The following HMCN2 variants were observed in gnomAD, a reference collection of about 807,000 sequenced individuals.
The protein encoded by HMCN2 is hemicentin-2.
In HMCN2, 325 loss-of-function variants were observed where a neutral mutation model predicts 377.5. The ratio of observed to expected loss-of-function variants is 0.86; its 90% CI spans 0.79 to 0.94. The LOEUF (loss-of-function observed/expected upper bound fraction) is 0.94. Among genes scored for constraint, HMCN2 ranks in the 40% least tolerant of loss-of-function variants. The pLI, the probability that HMCN2 is intolerant of heterozygous loss-of-function variation, is 0.00. For synonymous variants in HMCN2, 2,007 were observed against 2,046.8 expected, an observed-to-expected ratio of 0.98 and a Z score of 0.53; for missense variants, 4,543 against 4,725.3, an observed-to-expected ratio of 0.96 and a Z score of 1.13.
chr9:130,386,347 G>T (rs1268238521), intron 60 of HMCN2, 96 bp from the exon 61 acceptor site: 28 of 645,566 alleles, frequency 4.3e-5, no homozygotes, highest in Non-Finnish European at 5.2e-5. Context: ...GGAGGCCCCT[G>T]CTCTGGAAGT....
chr9:130,282,350 C>T (rs561705718), intron 1 of HMCN2, among the ~76,000 whole-genome samples: 4 of 152,306 alleles, frequency 2.6e-5, no homozygotes, highest in East Asian at 3.9e-4. Context: ...TTACATGTCT[C>T]GTTCTACAGA....
At chr9:130,429,441 T>C in intron 93 of HMCN2, 116 bp from the exon 94 acceptor site, 1 of 1,355,914 alleles carries the variant, frequency 7.4e-7, no homozygotes. Flanking sequence ...CTGGTGGCAC[T>C]GAAACTGGAG....
At chr9:130,309,782 G>C (rs1390014438) in intron 14 of HMCN2, 130 bp from the exon 15 acceptor site, 1 of 333,108 alleles carries the variant, frequency 3.0e-6, no homozygotes, top group East Asian at 9.1e-5. Flanking sequence ...GCTTAAACCT[G>C]CTTCCACCCA....
intron 1 of HMCN2, among the ~76,000 whole-genome samples, 172 bp from the exon 2 acceptor site, chr9:130,284,431 G>T (rs1219387973): frequency 3.9e-5 from 6 of 152,256 alleles, no homozygotes; most frequent in Admixed American, 6.5e-5. Flanking sequence ...GTGTGACCTT[G>T]TTTTCTGGTC....
At chr9:130,390,806 C>A (rs1004124783) in intron 62 of HMCN2, among the ~76,000 whole-genome samples, 171 bp from the exon 63 acceptor site, 1 of 152,004 alleles carries the variant, frequency 6.6e-6, no homozygotes, top group Admixed American at 6.5e-5. Flanking sequence ...GGAGGGGGTC[C>A]CTTGGGAAGA....
chr9:130,396,463 A>G (rs1321109592), intron 73 of HMCN2, 150 bp downstream of exon 73: 6 of 562,872 alleles, frequency 1.1e-5, no homozygotes, highest in East Asian at 7.1e-5. Context: ...CCCACCACTC[A>G]TGAAGGTCTC....
At chr9:130,284,233 C>A (rs1327275119) in intron 1 of HMCN2, among the ~76,000 whole-genome samples, 1 of 152,150 alleles carries the variant, frequency 6.6e-6, no homozygotes, top group Non-Finnish European at 1.5e-5. Context: ...GTTTCTTTGT[C>A]TTCCCAGAAT....
At chr9:130,324,989 T>C (rs2131413870) in intron 19 of HMCN2, among the ~76,000 whole-genome samples, 1 of 150,526 alleles carries the variant, frequency 6.6e-6, no homozygotes, top group Admixed American at 6.6e-5. Flanking sequence ...TCACCTGGAG[T>C]AGCTTCACTG....
At position 130,394,428 on chromosome 9, in the gene HMCN2, G is replaced by T. The variant is rs899300535; in HGVS notation, c.10545G>T (p.Ser3515=). 1 of 1,289,658 alleles carries T rather than the reference G, an allele frequency of 7.8e-7. No individual in the cohort carries two copies. The allele number at this position is 1,289,658 out of a possible 1,614,324, so 79.9% of individuals were successfully genotyped here. A position where few individuals can be genotyped will look rare whatever the true frequency, so the allele number is the denominator to read the frequency against. The part of the protein sequence containing the change: ...IEDSGQPTEL[S]LTPGAPMELL... ...ACTCAGGCCAGCCTACAGAGCTGTC[G>T]CTGACCCCCGGCGCCCCCATGGAGC... Residue 3515 remains serine, a synonymous_variant, in exon 69 of 98, where the codon TCG becomes TCT. Transcript: ENST00000683500. The surrounding 1 kb of genome is among the most constrained non-coding windows in gnomAD (Gnocchi z 5.1).
rs1840137330 is a variant in HMCN2, at chr9:130,357,922, GC to G, written c.5517del (p.Thr1840ProfsTer11). 7.7e-7 allele frequency: 1 copy of G among 1,304,198 alleles called. No individual in the cohort carries two copies. The allele number at this position is 1,304,198 out of a possible 1,614,324, so 80.8% of individuals were successfully genotyped here. A position where few individuals can be genotyped will look rare whatever the true frequency, so the allele number is the denominator to read the frequency against. The part of the protein sequence containing the change: ...VTLQCIGDGV[P>X]TPSLRWWKDG... ...CCCTCCAGTGCATAGGGGATGGGGT[GC>G]CCACCCCAAGCCTCCGTTGGTGGAA... On this transcript the variant is annotated frameshift_variant, in exon 35 of 98. Transcript: ENST00000683500. LOFTEE classifies it high-confidence loss of function.
In HMCN2 at chr9:130,356,564, C is replaced by T. The variant is rs184725973; in HGVS notation, c.5425+307C>T. Among the ~76,000 whole-genome samples, 120 of 152,354 alleles carry T rather than the reference C, an allele frequency of 7.9e-4. 2 individuals carry two copies. The highest frequency in any genetic ancestry group is 4.2e-3 in the Admixed American group (65 of 15,304). ...ACCCTCTTTCTCTTGTCTTCGTCTA[C>T]GTTTGCTGTTCCTTCTGCCCAGAAC... On this transcript the variant is annotated intron_variant, in intron 34 of 97. Transcript: ENST00000683500.
intron 87 of HMCN2, 112 bp from the exon 88 acceptor site, chr9:130,424,664 G>A (rs891763639): frequency 1.7e-6 from 2 of 1,146,158 alleles, no homozygotes; most frequent in African/African-American, 1.6e-5. Context: ...GACATCAAGG[G>A]AAGGGGCTGA....
At position 130,394,699 on chromosome 9, in the gene HMCN2, G is replaced by A; in HGVS notation, c.10692+124G>A. Reference sequence around the variant, plus strand: ...GAAGCACCTCCTCTGTGTGGGGTGTGAGGGTGTGGAGGTGACCCACCTTGG... The same window carrying A: ...GAAGCACCTCCTCTGTGTGGGGTGTAAGGGTGTGGAGGTGACCCACCTTGG... On this transcript the variant is annotated intron_variant, in intron 69 of 97. Transcript: ENST00000683500. The surrounding 1 kb of genome is among the most constrained non-coding windows in gnomAD (Gnocchi z 5.1). The A allele has an allele frequency of 2.6e-6, 2 of 764,262 alleles. No homozygotes were observed. The highest frequency in any genetic ancestry group is 3.5e-5 in the South Asian group (2 of 57,128). The allele number at this position is 764,262 out of a possible 1,614,324, so 47.3% of individuals were successfully genotyped here.
intron 41 of HMCN2, among the ~76,000 whole-genome samples, chr9:130,365,147 A>G (rs1414872605): frequency 6.6e-6 from 1 of 152,022 alleles, no homozygotes; most frequent in Non-Finnish European, 1.5e-5. Context: ...ATCATTCCCA[A>G]CTCAGAGCAC....
intron 81 of HMCN2, among the ~76,000 whole-genome samples, chr9:130,405,608 C>T (rs558370967): frequency 2.6e-4 from 39 of 152,350 alleles, no homozygotes; most frequent in Admixed American, 1.7e-3. Flanking sequence ...CATAAAACTC[C>T]TCCTCTTGGA....
Position 130,419,025 on chromosome 9 carries a change from G to T in HMCN2, c.13215G>T (p.Ala4405=). 6.7e-7 allele frequency: 1 copy of T among 1,488,998 alleles called. No individual in the cohort carries two copies. The highest frequency in any genetic ancestry group is 1.3e-5 in the South Asian group (1 of 74,572). The allele number at this position is 1,488,998 out of a possible 1,614,324, so 92.2% of individuals were successfully genotyped here. The change falls in exon 86 of 98, where the codon GCG becomes GCT. Residue 4405 remains alanine, a synonymous_variant. Transcript: ENST00000683500. ...TCCTGGGCTCTGCCACAGCCCGGGC[G>T]TTCCTGGTCGTGAGAGGTATGGGGC... ...HNLLGSATAR[A]FLVVRGEPQG...
chr9:130,273,636 T>C (rs190103924), intron 1 of HMCN2, among the ~76,000 whole-genome samples: 39 of 152,324 alleles, frequency 2.6e-4, no homozygotes, highest in African/African-American at 9.1e-4. Flanking sequence ...TAGCTGGTAT[T>C]ATAGGCATGC....
chr9:130,268,224 C>G (rs562590233), intron 1 of HMCN2, among the ~76,000 whole-genome samples: 1 of 152,200 alleles, frequency 6.6e-6, no homozygotes, highest in African/African-American at 2.4e-5. Flanking sequence ...AAGCCCACCT[C>G]CCACCCCTGC....
chr9:130,346,807 G>A (rs911678268), intron 25 of HMCN2, among the ~76,000 whole-genome samples: 106 of 152,262 alleles, frequency 7.0e-4, no homozygotes, highest in Non-Finnish European at 1.2e-3. Flanking sequence ...GGAAAGTGGA[G>A]GACGACGGCT....
Sources: allele counts gnomAD v4.1 joint callset (sites outside exome capture counted in the v4.1 genomes callset), GRCh38; gene constraint gnomAD v4.1.1; non-coding constraint Gnocchi (gnomAD v3.1); transcripts MANE v1.5; gene names NCBI Gene and HGNC (gene_info 2026-07-23, HGNC 2026-07-21).